Variants in SNTG1 observed in about 807,000 individuals in gnomAD.
The protein encoded by SNTG1 is syntrophin gamma 1.
In SNTG1, 39 loss-of-function variants were observed where a neutral mutation model predicts 74.7. That is an observed-to-expected ratio of 0.52 (90% confidence interval 0.40 to 0.68). The LOEUF (loss-of-function observed/expected upper bound fraction) is 0.68, where lower values mean the gene tolerates loss of function less well. Ranked by LOEUF, SNTG1 falls within the 30% of genes least tolerant of loss-of-function variation. The pLI, the probability that SNTG1 is intolerant of heterozygous loss-of-function variation, is 0.00. For missense variants in SNTG1, 685 were observed against 609.5 expected (o/e 1.12, Z -1.30); for synonymous variants, 254 against 217.1 (o/e 1.17, Z -1.49).
chr8:50,187,756 A>G (rs1165248273), intron 2 of SNTG1, among the ~76,000 whole-genome samples: 1 of 152,174 alleles, frequency 6.6e-6, no homozygotes, highest in Non-Finnish European at 1.5e-5. Flanking sequence ...TTATTAGTTC[A>G]TGGATGGTAA....
intron 2 of SNTG1, among the ~76,000 whole-genome samples, chr8:50,275,310 C>A (rs1798834818): frequency 6.6e-6 from 1 of 151,984 alleles, no homozygotes; most frequent in Non-Finnish European, 1.5e-5. Flanking sequence ...GTTAGATTAC[C>A]TACAATATGT....
chr8:50,326,170 ATGTCTTTATAT>A (rs974212508), intron 2 of SNTG1, among the ~76,000 whole-genome samples: 6 of 151,824 alleles, frequency 4.0e-5, no homozygotes, highest in African/African-American at 1.5e-4. Flanking sequence ...TATTCTTGTA[ATGTCTTTATAT>A]TGTTTTTATA....
At chr8:50,177,370 A>C (rs2083037613) in intron 2 of SNTG1, among the ~76,000 whole-genome samples, 1 of 152,068 alleles carries the variant, frequency 6.6e-6, no homozygotes, top group Non-Finnish European at 1.5e-5. Flanking sequence ...GATGGCTCTC[A>C]CTACCCCATG....
At chr8:50,470,498 T>C (rs1338573766) in intron 8 of SNTG1, among the ~76,000 whole-genome samples, 1 of 152,058 alleles carries the variant, frequency 6.6e-6, no homozygotes, top group Non-Finnish European at 1.5e-5. Context: ...ACTTCAGGAG[T>C]GAAGCCGCAG....
intron 8 of SNTG1, among the ~76,000 whole-genome samples, chr8:50,499,106 A>T (rs1371024573): frequency 1.3e-5 from 2 of 151,688 alleles, no homozygotes; most frequent in Non-Finnish European, 3.0e-5. Context: ...TGGATTTTTT[A>T]AATTTCCACA....
chr8:50,568,641 G>T (rs2094529577), intron 12 of SNTG1, among the ~76,000 whole-genome samples: 1 of 151,952 alleles, frequency 6.6e-6, no homozygotes, highest in South Asian at 2.1e-4. Flanking sequence ...CTTCTCTTAA[G>T]AAATATCTAT....
chr8:50,288,708 G>C (rs1035675859), intron 2 of SNTG1, among the ~76,000 whole-genome samples: 1 of 152,254 alleles, frequency 6.6e-6, no homozygotes, highest in Non-Finnish European at 1.5e-5. Context: ...AAAAAAAAAG[G>C]ATAGGATAAA....
Position 49,939,460 on chromosome 8 carries a change from TTTG to T in SNTG1, c.-103+27242_-103+27244del, listed in dbSNP as rs1057233382. 1.5e-4 allele frequency among the ~76,000 whole-genome samples: 23 copies of T among 151,486 alleles called. 1 individual carries two copies. The highest frequency in any genetic ancestry group is 1.4e-3 in the Admixed American group (22 of 15,272). On this transcript the variant is annotated intron_variant, in intron 1 of 18. Transcript: ENST00000642720. ...ATAAAAAGCAATGTACTACACTTTGTTTGTTGTTGTTGTTGGTTTTTTCTGAAA... is the reference window on the plus strand; with the variant it reads ...ATAAAAAGCAATGTACTACACTTTGTTTGTTGTTGTTGGTTTTTTCTGAAA...
chr8:50,788,193 G>A (rs1463240627), intron 18 of SNTG1, among the ~76,000 whole-genome samples: 2 of 152,138 alleles, frequency 1.3e-5, no homozygotes, highest in Admixed American at 6.6e-5. Context: ...GAATATTAGA[G>A]TTAAATCTGG....
intron 2 of SNTG1, among the ~76,000 whole-genome samples, chr8:50,218,418 G>T (rs576501294): frequency 6.6e-6 from 1 of 152,020 alleles, no homozygotes; most frequent in African/African-American, 2.4e-5. Context: ...CTCATTGTGT[G>T]GTTGTTATAT....
chr8:50,506,403 G>A (rs957773646), intron 9 of SNTG1, among the ~76,000 whole-genome samples: 1 of 151,832 alleles, frequency 6.6e-6, no homozygotes, highest in Non-Finnish European at 1.5e-5. Context: ...ATTTTGATAG[G>A]GATTGCATTG....
At chr8:50,101,990 G>A (rs1458063680) in intron 1 of SNTG1, among the ~76,000 whole-genome samples, 1 of 151,630 alleles carries the variant, frequency 6.6e-6, no homozygotes, top group East Asian at 1.9e-4. Context: ...CCAAGTCTTT[G>A]CTATTGTGAA....
At chr8:50,308,948 A>G (rs886139089) in intron 2 of SNTG1, among the ~76,000 whole-genome samples, 1 of 152,022 alleles carries the variant, frequency 6.6e-6, no homozygotes, top group African/African-American at 2.4e-5. Flanking sequence ...TGTGTGTTAT[A>G]ACTAGGAAGC....
chr8:50,445,205 A>T (rs1369905563), intron 5 of SNTG1, among the ~76,000 whole-genome samples: 1 of 152,190 alleles, frequency 6.6e-6, no homozygotes, highest in African/African-American at 2.4e-5. Context: ...ATCCAGAAGG[A>T]TGATGGCACA....
chr8:50,173,794 T>G (rs999528574), intron 2 of SNTG1, among the ~76,000 whole-genome samples: 3 of 152,234 alleles, frequency 2.0e-5, no homozygotes, highest in Non-Finnish European at 4.4e-5. Context: ...GATCCTTAAA[T>G]TATTCAGGTA....
rs182961701 is a variant in SNTG1 at position 49,915,414 on chromosome 8, C to T, written c.-103+3183C>T. On this transcript the variant is annotated intron_variant, in intron 1 of 18. Coordinates refer to ENST00000642720, the MANE Select transcript of SNTG1 (RefSeq NM_018967.5). ...CAGGCACATCCCTTATACTTAACAA[C>T]TCTCAGCATAGGGAATATAATACTT... 7.2e-5 allele frequency among the ~76,000 whole-genome samples: 11 copies of T among 152,294 alleles called. No homozygotes were observed. In the East Asian group the frequency reaches 1.5e-3, roughly 21 times the overall value.
chr8:50,026,477 C>A (rs1817272669), intron 1 of SNTG1, among the ~76,000 whole-genome samples: 1 of 152,090 alleles, frequency 6.6e-6, no homozygotes, highest in Non-Finnish European at 1.5e-5. Context: ...GTTCAAACTC[C>A]CTGTTGACCA....
chr8:50,161,735 A>G (rs1020009472), intron 1 of SNTG1, among the ~76,000 whole-genome samples: 3 of 152,168 alleles, frequency 2.0e-5, no homozygotes, highest in South Asian at 2.1e-4. Context: ...CATTCCCACA[A>G]AAAAGGTATG....
At position 50,491,881 on chromosome 8, in the gene SNTG1, C is replaced by T. The variant is rs1424970750; in HGVS notation, c.364-10897C>T. ...TCCTAATGCTATTCCTCCCCTAGCT[C>T]CCCCGCCCCCCTACCACCCGCAGGC... On this transcript the variant is annotated intron_variant, in intron 8 of 18. Transcript: ENST00000642720. Among the ~76,000 whole-genome samples the T allele has an allele frequency of 8.9e-5, 3 of 33,742 alleles. No individual in the cohort carries two copies. The East Asian group carries it at 2.9e-3, about 33-fold the overall frequency. The allele number at this position is 33,742 out of a possible 152,430, so 22.1% of individuals were successfully genotyped here.
Sources: gnomAD v4.1 joint callset for allele counts (sites outside exome capture counted in the v4.1 genomes callset) on GRCh38, gnomAD v4.1.1 for gene constraint, MANE v1.5 for transcripts, NCBI Gene and HGNC (gene_info 2026-07-23, HGNC 2026-07-21) for gene names.